The following BMP6 variants were observed in gnomAD, a reference collection of about 807,000 sequenced individuals.
BMP6 encodes VG-1-R.
A neutral mutation model predicts 54.1 loss-of-function variants in BMP6; 17 were observed. That is an observed-to-expected ratio of 0.31 (90% CI 0.22 to 0.47). The LOEUF is 0.47. Among genes scored for constraint, BMP6 ranks in the 20% least tolerant of loss-of-function variants. The probability of loss-of-function intolerance (pLI) is 1.00; values close to 1 mark genes in which losing one functional copy is unlikely to be tolerated. For synonymous variants in BMP6, 328 were observed against 291.2 expected (o/e 1.13, Z -1.28); for missense variants, 720 against 690.4 (o/e 1.04, Z -0.48).
At chr6:7,766,194 TG>T (rs1757685439) in intron 1 of BMP6, among the ~76,000 whole-genome samples, 1 of 152,214 alleles carries the variant, frequency 6.6e-6, no homozygotes, top group Admixed American at 6.5e-5. Flanking sequence ...AGTTTTTTTT[TG>T]TTTGTTTTTT....
intron 4 of BMP6, among the ~76,000 whole-genome samples, chr6:7,877,400 T>TCACTTAAG (rs541818756): frequency 5.1e-4 from 77 of 152,264 alleles, no homozygotes; most frequent in African/African-American, 1.7e-3. Flanking sequence ...GATGGGCAGA[T>TCACTTAAG]CACTTAAGGT....
chr6:7,869,166 C>T (rs750881442), intron 4 of BMP6, among the ~76,000 whole-genome samples: 1 of 152,246 alleles, frequency 6.6e-6, no homozygotes, highest in African/African-American at 2.4e-5. Context: ...CGCGGTGCAG[C>T]CTCCCCGCAC....
intron 4 of BMP6, among the ~76,000 whole-genome samples, chr6:7,877,533 G>C (rs1164952036): frequency 1.3e-5 from 2 of 152,066 alleles, no homozygotes; most frequent in African/African-American, 2.4e-5. Flanking sequence ...TGAGGCAGGA[G>C]AATCGCTTGA....
intron 1 of BMP6, among the ~76,000 whole-genome samples, chr6:7,838,813 G>A (rs2113246253): frequency 6.6e-6 from 1 of 152,128 alleles, no homozygotes; most frequent in African/African-American, 2.4e-5. Context: ...GTGGTGGCAG[G>A]CGCCTGGAGT....
At chr6:7,852,627 A>G (rs72829207) in intron 2 of BMP6, among the ~76,000 whole-genome samples, 11,250 of 152,164 alleles carry the variant, frequency 0.074, 585 homozygotes, top group East Asian at 0.21. Context: ...AAACCATAAA[A>G]GTCTGGAATG....
At chr6:7,850,603 G>T (rs1466703462) in intron 2 of BMP6, among the ~76,000 whole-genome samples, 1 of 152,132 alleles carries the variant, frequency 6.6e-6, no homozygotes, top group Non-Finnish European at 1.5e-5. Flanking sequence ...GGAGAGAAAA[G>T]GGTAAAAACA....
At chr6:7,857,330 G>A (rs1420912099) in intron 2 of BMP6, among the ~76,000 whole-genome samples, 6 of 152,198 alleles carry the variant, frequency 3.9e-5, no homozygotes. Context: ...GGAATATCAC[G>A]CTCTGAGGTT....
At chr6:7,773,493 G>A (rs930960334) in intron 1 of BMP6, among the ~76,000 whole-genome samples, 1 of 152,198 alleles carries the variant, frequency 6.6e-6, no homozygotes, top group East Asian at 1.9e-4. Flanking sequence ...AGAAATAGGG[G>A]AAGGGATAAG....
chr6:7,828,387 T>C (rs1758734252), intron 1 of BMP6, among the ~76,000 whole-genome samples: 1 of 152,254 alleles, frequency 6.6e-6, no homozygotes, highest in Non-Finnish European at 1.5e-5. Context: ...ACGGCTGTGC[T>C]CAGAGATGTT....
chr6:7,843,372 G>C (rs1338214524), intron 1 of BMP6, among the ~76,000 whole-genome samples: 2 of 150,932 alleles, frequency 1.3e-5, no homozygotes, highest in Non-Finnish European at 2.9e-5. Flanking sequence ...GCTTAACTTA[G>C]CTTCTGCAAA....
intron 1 of BMP6, among the ~76,000 whole-genome samples, chr6:7,809,403 A>ATC (rs1758403238): frequency 6.6e-6 from 1 of 152,204 alleles, no homozygotes; most frequent in Non-Finnish European, 1.5e-5. Flanking sequence ...CACTCAATCC[A>ATC]GGTTTGTGGA....
At chr6:7,840,621 C>A (rs1758953482) in intron 1 of BMP6, among the ~76,000 whole-genome samples, 1 of 152,004 alleles carries the variant, frequency 6.6e-6, no homozygotes, top group Non-Finnish European at 1.5e-5. Flanking sequence ...TTCGTTTGTT[C>A]AGTATGTCTT....
intron 1 of BMP6, among the ~76,000 whole-genome samples, chr6:7,779,204 A>G (rs1246344942): frequency 6.6e-6 from 1 of 152,216 alleles, no homozygotes; most frequent in African/African-American, 2.4e-5. Flanking sequence ...GAAATCCAGT[A>G]CGTTATTGAA....
intron 1 of BMP6, among the ~76,000 whole-genome samples, chr6:7,838,918 G>A (rs1758920553): frequency 6.7e-6 from 1 of 148,570 alleles, no homozygotes; most frequent in Admixed American, 6.7e-5. Context: ...CTCCAGCCTG[G>A]GTGACAGAGC....
chr6:7,875,924 T>C (rs1759608958), intron 4 of BMP6, among the ~76,000 whole-genome samples: 1 of 152,210 alleles, frequency 6.6e-6, no homozygotes, highest in African/African-American at 2.4e-5. Flanking sequence ...GCTGCCGTAC[T>C]ACCCATTCTT....
chr6:7,878,384 A>G (rs1759655374), intron 4 of BMP6, among the ~76,000 whole-genome samples: 1 of 152,114 alleles, frequency 6.6e-6, no homozygotes, highest in Admixed American at 6.5e-5. Flanking sequence ...CTTGCTGGTG[A>G]TTCAGTTAAG....
intron 1 of BMP6, among the ~76,000 whole-genome samples, chr6:7,757,442 A>G (rs1234071627): frequency 2.0e-5 from 3 of 152,134 alleles, no homozygotes; most frequent in Non-Finnish European, 4.4e-5. Context: ...ATGCCTGCTT[A>G]TGTGTCTCTT....
rs913623555 is a variant in BMP6, at chr6:7,829,204, G to A, written c.665-15936G>A. On this transcript the variant is annotated intron_variant, in intron 1 of 6. Coordinates refer to ENST00000283147, the MANE Select transcript of BMP6 (RefSeq NM_001718.6). ...CCCATGAGAGAAACTGTTGCCCAGT[G>A]GAGTTTGACTCTCAATTTTTCAAGG... Among the ~76,000 whole-genome samples, 3 of 152,242 alleles carry A rather than the reference G, an allele frequency of 2.0e-5. No individual in the cohort carries two copies. In the East Asian group the frequency reaches 5.8e-4, roughly 29 times the overall value.
intron 1 of BMP6, among the ~76,000 whole-genome samples, chr6:7,816,009 C>A (rs532925026): frequency 1.8e-3 from 268 of 152,258 alleles, no homozygotes; most frequent in Middle Eastern, 0.014. Context: ...TGCTTGTTGG[C>A]AAAATTGTTA....
Sources: gnomAD v4.1 joint callset for allele counts (sites outside exome capture counted in the v4.1 genomes callset) on GRCh38, gnomAD v4.1.1 for gene constraint, MANE v1.5 for transcripts, NCBI Gene and HGNC (gene_info 2026-07-23, HGNC 2026-07-21) for gene names.